Variants in GABBR2 observed in about 807,000 individuals in gnomAD.
GABBR2 encodes the protein G-protein coupled receptor 51.
A neutral mutation model predicts 105.6 loss-of-function variants in GABBR2; 23 were observed. The ratio of observed to expected loss-of-function variants is 0.22; its 90% confidence interval spans 0.16 to 0.31. The LOEUF is 0.31. Ranked by LOEUF, GABBR2 falls within the 10% of genes least tolerant of loss-of-function variation. The pLI, the probability that GABBR2 is intolerant of heterozygous loss-of-function variation, is 1.00. For missense variants in GABBR2, 734 were observed against 1,245.5 expected (o/e 0.59, Z 6.18); for synonymous variants, 478 against 499.7 (o/e 0.96, Z 0.58).
At chr9:98,480,320 T>A (rs76979215) in intron 5 of GABBR2, among the ~76,000 whole-genome samples, 3 of 152,138 alleles carry the variant, frequency 2.0e-5, no homozygotes, top group Non-Finnish European at 4.4e-5. Context: ...CTTTTTTTTT[T>A]AGAGACTAGA....
chr9:98,545,003 C>G (rs1828373384), intron 2 of GABBR2, among the ~76,000 whole-genome samples: 1 of 152,162 alleles, frequency 6.6e-6, no homozygotes, highest in Admixed American at 6.5e-5. Flanking sequence ...CTGGGAGGAA[C>G]TATTTCAGGA....
At chr9:98,447,684 T>C (rs1226482918) in intron 7 of GABBR2, among the ~76,000 whole-genome samples, 1 of 151,986 alleles carries the variant, frequency 6.6e-6, no homozygotes, top group Non-Finnish European at 1.5e-5. Flanking sequence ...CATTGCAAAT[T>C]CCCCTGGAAC....
At chr9:98,648,080 G>GGTGTGTATGT (rs58161340) in intron 1 of GABBR2, among the ~76,000 whole-genome samples, 3 of 68,016 alleles carry the variant, frequency 4.4e-5, no homozygotes, top group African/African-American at 1.9e-4. Flanking sequence ...AATCATACAG[G>GGTGTGTATGT]GTGTGTGTGT....
intron 1 of GABBR2, among the ~76,000 whole-genome samples, chr9:98,687,630 C>T (rs1293815577): frequency 6.6e-6 from 1 of 152,130 alleles, no homozygotes; most frequent in Non-Finnish European, 1.5e-5. Context: ...CCCCATCCCC[C>T]AGCCCCCGCT....
At chr9:98,404,423 TTGATCTGA>T (rs1832453653) in intron 8 of GABBR2, among the ~76,000 whole-genome samples, 1 of 152,208 alleles carries the variant, frequency 6.6e-6, no homozygotes, top group Admixed American at 6.5e-5. Context: ...CCTCTCCTGA[TTGATCTGA>T]ATCCTGGTGG....
intron 1 of GABBR2, among the ~76,000 whole-genome samples, chr9:98,647,821 A>G (rs1381646635): frequency 6.6e-6 from 1 of 152,198 alleles, no homozygotes; most frequent in African/African-American, 2.4e-5. Context: ...ATTTGACCTC[A>G]TTACCTCGAG....
At chr9:98,475,346 T>TA (rs970234599) in intron 5 of GABBR2, among the ~76,000 whole-genome samples, 108 of 141,746 alleles carry the variant, frequency 7.6e-4, no homozygotes, top group East Asian at 1.2e-3. Flanking sequence ...ACAGAAACTT[T>TA]AAAAAAAAAA....
intron 11 of GABBR2, among the ~76,000 whole-genome samples, chr9:98,376,535 C>G (rs749286796): frequency 6.6e-6 from 1 of 151,820 alleles, no homozygotes; most frequent in South Asian, 2.1e-4. Context: ...GGAAGAAACT[C>G]CCAGAGCGCC....
At chr9:98,452,017 C>T (rs896288542) in intron 7 of GABBR2, among the ~76,000 whole-genome samples, 1 of 152,244 alleles carries the variant, frequency 6.6e-6, no homozygotes, top group Admixed American at 6.5e-5. Flanking sequence ...GTTTCTCCCA[C>T]AGTGCCAAGC....
intron 8 of GABBR2, among the ~76,000 whole-genome samples, chr9:98,404,199 C>CA (rs55680554): frequency 0.43 from 61,799 of 144,868 alleles, 13,358 homozygotes; most frequent in Non-Finnish European, 0.5. Flanking sequence ...TGCAATCACT[C>CA]AAAAAAAAAA....
intron 12 of GABBR2, among the ~76,000 whole-genome samples, chr9:98,371,253 C>A (rs1215957259): frequency 3.9e-5 from 6 of 152,180 alleles, no homozygotes; most frequent in South Asian, 2.1e-4. Flanking sequence ...CAGCACCCCC[C>A]ACATGTCCCC....
At chr9:98,386,985 A>G (rs1377333164) in intron 10 of GABBR2, among the ~76,000 whole-genome samples, 1 of 152,148 alleles carries the variant, frequency 6.6e-6, no homozygotes, top group African/African-American at 2.4e-5. Flanking sequence ...TTGGACACAC[A>G]TGAAGCTGAG....
At position 98,536,288 on chromosome 9, in the gene GABBR2, G is replaced by A. The variant is rs1588217075; in HGVS notation, c.630+5585C>T. Among the ~76,000 whole-genome samples the A allele has an allele frequency of 3.9e-5, 6 of 152,236 alleles. No individual in the cohort carries two copies. In the South Asian group the frequency reaches 1.2e-3, roughly 32 times the overall value. On this transcript the variant is annotated intron_variant, in intron 3 of 18. Coordinates refer to ENST00000259455, the MANE Select transcript of GABBR2 (RefSeq NM_005458.8). ...GAATCCAAAATTCTTTGAGCTAGGA[G>A]GGATCTTAGAGGTCAACTGGCCCAA... is the stretch of plus-strand genomic sequence containing the variant.
At position 98,341,288 on chromosome 9, in the gene GABBR2, C is replaced by T. The variant is rs371788079; in HGVS notation, c.1893+21427G>A. Among the ~76,000 whole-genome samples, 107 of 152,322 alleles carry T rather than the reference C, an allele frequency of 7.0e-4. 3 individuals are homozygous for T. In the South Asian group the frequency reaches 0.02, roughly 28 times the overall value. On this transcript the variant is annotated intron_variant, in intron 13 of 18. Transcript: ENST00000259455. ...CACAATGCTGACTGCAGAGCCGAGC[C>T]GAGGCTGGGCCAGGATCCATGCCAG...
At chr9:98,447,060 C>CTTTTTTTTTTTTT (rs1564072366) in intron 7 of GABBR2, among the ~76,000 whole-genome samples, 2 of 115,872 alleles carry the variant, frequency 1.7e-5, no homozygotes, top group African/African-American at 7.3e-5. Flanking sequence ...CTAAAAAAGA[C>CTTTTTTTTTTTTT]TTCTTTTTTT....
At chr9:98,341,320 C>A (rs557827280) in intron 13 of GABBR2, among the ~76,000 whole-genome samples, 1 of 152,214 alleles carries the variant, frequency 6.6e-6, no homozygotes, top group African/African-American at 2.4e-5. Flanking sequence ...CCAGAAGGCA[C>A]GTGGCTGTGG....
chr9:98,392,860 C>T (rs1429923184), intron 9 of GABBR2, among the ~76,000 whole-genome samples: 1 of 152,118 alleles, frequency 6.6e-6, no homozygotes, highest in Non-Finnish European at 1.5e-5. Context: ...TATCTATCCA[C>T]TACCCATTCA....
chr9:98,437,394 C>T (rs903264766), intron 7 of GABBR2, among the ~76,000 whole-genome samples: 14 of 152,058 alleles, frequency 9.2e-5, no homozygotes, highest in East Asian at 1.9e-4. Flanking sequence ...ATACAACCAC[C>T]GTCTATCCAT....
intron 1 of GABBR2, among the ~76,000 whole-genome samples, chr9:98,627,143 T>A (rs774241181): frequency 1.3e-5 from 2 of 152,026 alleles, no homozygotes; most frequent in Non-Finnish European, 2.9e-5. Context: ...CAGCCACTGG[T>A]GGGCCGATTT....
Sources: gnomAD v4.1 joint callset for allele counts (sites outside exome capture counted in the v4.1 genomes callset) on GRCh38, gnomAD v4.1.1 for gene constraint, MANE v1.5 for transcripts, NCBI Gene and HGNC (gene_info 2026-07-23, HGNC 2026-07-21) for gene names.